PITPNM3: variants seen among roughly 807,000 people sequenced by gnomAD.
The protein encoded by PITPNM3 is membrane-associated phosphatidylinositol transfer protein 3.
PITPNM3 carries 26 observed loss-of-function variants against 102.0 expected under a neutral mutation model. That is an observed-to-expected ratio of 0.25 (90% CI 0.19 to 0.35). The LOEUF (loss-of-function observed/expected upper bound fraction) is 0.35, where lower values mean the gene tolerates loss of function less well. Among genes scored for constraint, PITPNM3 ranks in the 10% least tolerant of loss-of-function variants. The pLI, the probability that PITPNM3 is intolerant of heterozygous loss-of-function variation, is 1.00. For missense variants in PITPNM3, 1,083 were observed against 1,346.1 expected, an observed-to-expected ratio of 0.80 and a Z score of 3.06; for synonymous variants, 578 against 558.6, an observed-to-expected ratio of 1.03 and a Z score of -0.49.
chr17:6,491,545 A>G (rs1597381239), intron 4 of PITPNM3, among the ~76,000 whole-genome samples: 1 of 152,176 alleles, frequency 6.6e-6, no homozygotes. Flanking sequence ...TGGGGGGCCC[A>G]GAGCCCACCT....
intron 2 of PITPNM3, among the ~76,000 whole-genome samples, chr17:6,529,402 G>A (rs185212959): frequency 2.0e-5 from 3 of 152,072 alleles, no homozygotes; most frequent in Non-Finnish European, 4.4e-5. Context: ...AGACCAACCT[G>A]ACCAACATGG....
chr17:6,536,413 T>C (rs1909433362), intron 2 of PITPNM3, among the ~76,000 whole-genome samples: 1 of 152,228 alleles, frequency 6.6e-6, no homozygotes, highest in Admixed American at 6.5e-5. Flanking sequence ...AAGCTGTTGT[T>C]GTCTCACTGT....
intron 12 of PITPNM3, 126 bp downstream of exon 12, chr17:6,471,035 G>A (rs1446669291): frequency 1.8e-6 from 2 of 1,132,566 alleles, no homozygotes; most frequent in East Asian, 5.1e-5. Flanking sequence ...AAGCCCCCAG[G>A]ACTTCCTTCA....
At chr17:6,486,186 A>G (rs903625629) in intron 4 of PITPNM3, among the ~76,000 whole-genome samples, 3 of 152,100 alleles carry the variant, frequency 2.0e-5, no homozygotes, top group Non-Finnish European at 2.9e-5. Flanking sequence ...CTCCCCCATG[A>G]GATGGATGCT....
intron 1 of PITPNM3, among the ~76,000 whole-genome samples, chr17:6,547,846 A>G (rs973531684): frequency 5.3e-5 from 8 of 151,518 alleles, no homozygotes; most frequent in Non-Finnish European, 1.0e-4. Context: ...CTCCTGCCTC[A>G]GCCTCCCAAG....
chr17:6,477,323 AG>A, intron 8 of PITPNM3, 110 bp from the exon 9 acceptor site: 1 of 1,148,776 alleles, frequency 8.7e-7, no homozygotes, highest in South Asian at 1.3e-5. Context: ...CTAAGATGTG[AG>A]GGGCTACCCT....
intron 4 of PITPNM3, among the ~76,000 whole-genome samples, chr17:6,497,477 T>C (rs1022457934): frequency 1.3e-5 from 2 of 152,006 alleles, no homozygotes; most frequent in Non-Finnish European, 2.9e-5. Context: ...TGGGGCTCAG[T>C]TGGTGGCTAG....
In PITPNM3 at chr17:6,454,632, G is replaced by A. The variant is rs1352934672; in HGVS notation, c.*706C>T. ...TGCAGCCTCCCAAGGGAGGGCATGAGGCAGGGCTCCGGGAAGAGGAAGCCC... is the reference window on the plus strand; with the variant it reads ...TGCAGCCTCCCAAGGGAGGGCATGAAGCAGGGCTCCGGGAAGAGGAAGCCC... On this transcript the variant is annotated 3_prime_UTR_variant, in exon 20 of 20. Transcript: ENST00000262483. The A allele has an allele frequency of 6.6e-6, 1 of 152,330 alleles. No individual in the cohort carries two copies. Among genetic ancestry groups the A allele is most frequent in the Non-Finnish European group, 1.5e-5 (1 of 68,118 alleles). 9.4% of individuals were successfully genotyped at this position (152,330 alleles called of 1,614,324 possible).
intron 6 of PITPNM3, chr17:6,480,320 C>T (rs947640576): frequency 6.6e-6 from 1 of 152,210 alleles, no homozygotes; most frequent in Non-Finnish European, 1.5e-5. Flanking sequence ...GACTTTCCCC[C>T]AATCTAGAGG....
chr17:6,526,686 C>A lies in PITPNM3; in HGVS notation c.119-1223G>T, dbSNP rs115210046. On this transcript the variant is annotated intron_variant, in intron 2 of 19. Transcript: ENST00000262483. ...ACACTTATCTAACCGTTACCATACACTGAGATTATTATAAGTGCTTTACAA... is the reference window on the plus strand; with the variant it reads ...ACACTTATCTAACCGTTACCATACAATGAGATTATTATAAGTGCTTTACAA... 8.9e-3 allele frequency among the ~76,000 whole-genome samples: 1,355 copies of A among 152,310 alleles called. 18 individuals are homozygous for A. The highest frequency in any genetic ancestry group is 0.03 in the African/African-American group (1,266 of 41,552).
rs1910625221 is a variant in PITPNM3, at chr17:6,556,509, G to GCGCCCC, written c.-109_-104dup. On this transcript the variant is annotated 5_prime_UTR_variant, in exon 1 of 20. Coordinates refer to ENST00000262483, the MANE Select transcript of PITPNM3 (RefSeq NM_031220.4). This position sits in a 1 kb window ranked among gnomAD's most constrained non-coding sequence, Gnocchi z 5.2. ...CGAACGGACTCCGAGCGCCGCGCCCGCGCCCCCGCCCCGCTCGCCTCGGCT... is the reference window on the plus strand; with the variant it reads ...CGAACGGACTCCGAGCGCCGCGCCCGCGCCCCCGCCCCCGCCCCGCTCGCCTCGGCT... The GCGCCCC allele has an allele frequency of 1.0e-5, 8 of 785,030 alleles. No homozygotes were observed. The highest frequency in any genetic ancestry group is 5.5e-5 in the South Asian group (1 of 18,084). 48.6% of individuals were successfully genotyped at this position (785,030 alleles called of 1,614,324 possible). A position where few individuals can be genotyped will look rare whatever the true frequency, so the allele number is the denominator to read the frequency against.
In PITPNM3 at chr17:6,534,260, G is replaced by C. The variant is rs187518844; in HGVS notation, c.118+3727C>G. Among the ~76,000 whole-genome samples the C allele has an allele frequency of 3.0e-3, 458 of 152,256 alleles. 3 individuals carry two copies. Among genetic ancestry groups the C allele is most frequent in the Non-Finnish European group, 4.4e-3 (299 of 68,022 alleles). On this transcript the variant is annotated intron_variant, in intron 2 of 19. Coordinates refer to ENST00000262483, the MANE Select transcript of PITPNM3 (RefSeq NM_031220.4). ...CACCCTGCAGCATCTAATCACTCCT[G>C]AGCCCCAGACCTGCCACCTTAGCCA... is the stretch of plus-strand genomic sequence containing the variant.
rs552130332 is a variant in PITPNM3, at chr17:6,458,351, T to A, written c.2491-629A>T. Among the ~76,000 whole-genome samples the A allele has an allele frequency of 4.6e-5, 7 of 152,082 alleles. No homozygotes were observed. Among genetic ancestry groups the A allele is most frequent in the Non-Finnish European group, 8.8e-5 (6 of 68,022 alleles). ...CCCCTCACTGTGTGCCTCCTGTCAC[T>A]GTCATCTTCTTTTTCTCCCACTCAC... On this transcript the variant is annotated intron_variant, in intron 18 of 19. Transcript: ENST00000262483. The surrounding 1 kb of genome is among the most constrained non-coding windows in gnomAD (Gnocchi z 5.1).
At chr17:6,482,337 T>A (rs1905787711) in intron 6 of PITPNM3, among the ~76,000 whole-genome samples, 1 of 151,990 alleles carries the variant, frequency 6.6e-6, no homozygotes, top group Non-Finnish European at 1.5e-5. Context: ...GACACCTCCA[T>A]TAAAGGGCCA....
rs185061210 is a variant in PITPNM3 at position 6,458,111 on chromosome 17, G to A, written c.2491-389C>T. 2.5e-3 allele frequency among the ~76,000 whole-genome samples: 382 copies of A among 152,162 alleles called. 3 individuals carry two copies. Among genetic ancestry groups the A allele is most frequent in the African/African-American group, 8.3e-3 (344 of 41,494 alleles). On this transcript the variant is annotated intron_variant, in intron 18 of 19. Transcript: ENST00000262483. This position sits in a 1 kb window ranked among gnomAD's most constrained non-coding sequence, Gnocchi z 5.1. Reference sequence around the variant, plus strand: ...CTCCTGATCCTGTGCTGTCCACACCGCTCCACACTGCAGCTTGCCATGTGC... The same window carrying A: ...CTCCTGATCCTGTGCTGTCCACACCACTCCACACTGCAGCTTGCCATGTGC...
rs1913899047 is a variant in PITPNM3 at position 6,452,695 on chromosome 17, C to T, written c.*2643G>A. ...CACTAAACAGAACCGCAGGTACACA[C>T]TCACACACGCCAACTACAGCTCCAG... On this transcript the variant is annotated 3_prime_UTR_variant, in exon 20 of 20. Coordinates refer to ENST00000262483, the MANE Select transcript of PITPNM3 (RefSeq NM_031220.4). The T allele has an allele frequency of 6.6e-6, 1 of 152,288 alleles. No homozygotes were observed. The highest frequency in any genetic ancestry group is 1.5e-5 in the Non-Finnish European group (1 of 68,064). The allele number at this position is 152,288 out of a possible 1,614,324, so 9.4% of individuals were successfully genotyped here.
chr17:6,507,481 G>A (rs923036791), intron 3 of PITPNM3, among the ~76,000 whole-genome samples: 1 of 152,148 alleles, frequency 6.6e-6, no homozygotes, highest in African/African-American at 2.4e-5. Context: ...CTACTAGGGA[G>A]GCTGAGGCAG....
At position 6,471,328 on chromosome 17, in the gene PITPNM3, A is replaced by C; in HGVS notation, c.1457T>G (p.Leu486Arg). 1 of 1,606,440 alleles carries C rather than the reference A, an allele frequency of 6.2e-7. No individual in the cohort carries two copies. The highest frequency in any genetic ancestry group is 8.5e-7 in the Non-Finnish European group (1 of 1,177,752). ...GTCCCGGGAGCTGCCCTCCAGGAAG[A>C]GGGGGCTGTGGGTGTGTAGGGCATC... ...LADALHTHSP[L>R]FLEGSSRDSP... is the part of the protein sequence containing the mutation. The change falls in exon 12 of 20, where the codon CTC becomes CGC. Residue 486 changes from leucine to arginine, a missense_variant. This residue lies in a region of PITPNM3 where 410 missense variants were observed against 638.4 expected (regional missense o/e 0.64). Transcript: ENST00000262483.
At chr17:6,474,661 G>A (rs895790319) in intron 9 of PITPNM3, 57 bp from the exon 10 acceptor site, 6 of 1,521,334 alleles carry the variant, frequency 3.9e-6, no homozygotes, top group Middle Eastern at 1.8e-4. Context: ...GAGAATGCGG[G>A]AGTGTTCACA....
Sources: gnomAD v4.1 joint callset for allele counts (sites outside exome capture counted in the v4.1 genomes callset) on GRCh38, gnomAD v4.1.1 for gene constraint, gnomAD v4.1.1 regional missense constraint, Gnocchi (gnomAD v3.1) non-coding constraint, MANE v1.5 for transcripts, NCBI Gene and HGNC (gene_info 2026-07-23, HGNC 2026-07-21) for gene names.